The following ARHGEF11 variants were observed in gnomAD, a reference collection of about 807,000 sequenced individuals.
ARHGEF11 encodes the protein Rho guanine nucleotide exchange factor 11.
ARHGEF11 carries 55 observed loss-of-function variants against 193.7 expected under a neutral mutation model. The ratio of observed to expected loss-of-function variants is 0.28; its 90% confidence interval spans 0.23 to 0.36. The LOEUF (loss-of-function observed/expected upper bound fraction) is 0.36. Ranked by LOEUF, ARHGEF11 falls within the 10% of genes least tolerant of loss-of-function variation. ARHGEF11 has a pLI of 1.00. For missense variants in ARHGEF11, 1,723 were observed against 2,005.6 expected (o/e 0.86, Z 2.69); for synonymous variants, 693 against 768.0 (o/e 0.90, Z 1.62).
chr1:156,938,388 T>C, intron 38 of ARHGEF11, 30 bp downstream of exon 38: 1 of 1,602,358 alleles, frequency 6.2e-7, no homozygotes, highest in Non-Finnish European at 8.5e-7. Context: ...AGTCTTGGCC[T>C]GTCTTTAGCT....
intron 1 of ARHGEF11, among the ~76,000 whole-genome samples, chr1:157,031,805 G>A (rs11584902): frequency 1.3e-5 from 2 of 152,092 alleles, no homozygotes; most frequent in South Asian, 2.1e-4. Context: ...CTCCTGCAAG[G>A]GTAGAACAAC....
chr1:156,992,777 T>C (rs1377853014), intron 1 of ARHGEF11, among the ~76,000 whole-genome samples: 1 of 152,174 alleles, frequency 6.6e-6, no homozygotes, highest in East Asian at 1.9e-4. Flanking sequence ...CAGATGGGCA[T>C]GTCTTACCTT....
At position 157,027,557 on chromosome 1, in the gene ARHGEF11, C is replaced by T. The variant is rs1670802128; in HGVS notation, c.32+16742G>A. ...GGAGAGTTAATAAGGTAAGACCTCA[C>T]TAGTAAGTTAGTTTTGAACTGGTAT... On this transcript the variant is annotated intron_variant, in intron 1 of 40. Coordinates refer to ENST00000368194, the MANE Select transcript of ARHGEF11 (RefSeq NM_198236.3). Among the ~76,000 whole-genome samples, 5 of 152,236 alleles carry T rather than the reference C, an allele frequency of 3.3e-5. No individual in the cohort carries two copies. In the South Asian group the frequency reaches 8.3e-4, roughly 25 times the overall value.
chr1:157,025,469 G>A (rs1449398017), intron 1 of ARHGEF11, among the ~76,000 whole-genome samples: 1 of 152,194 alleles, frequency 6.6e-6, no homozygotes, highest in Non-Finnish European at 1.5e-5. Flanking sequence ...AGGAGGATCT[G>A]TGCTGCCAGC....
chr1:157,004,503 T>C (rs1161267863), intron 1 of ARHGEF11, among the ~76,000 whole-genome samples: 1 of 152,170 alleles, frequency 6.6e-6, no homozygotes, highest in African/African-American at 2.4e-5. Flanking sequence ...TCTCCTGGCC[T>C]CTCCCTCCAG....
chr1:156,944,448 CCATTCATTCATTCATTCATT>C lies in ARHGEF11; in HGVS notation c.2992-35_2992-16del. ...AGATCCAGGCTCTGTTAAGGAGACACCATTCATTCATTCATTCATTCATTCATTCATTCAAGTGTTTGAGA... is the reference window on the plus strand; with the variant it reads ...AGATCCAGGCTCTGTTAAGGAGACACCATTCATTCATTCAAGTGTTTGAGA... On this transcript the variant is annotated splice_polypyrimidine_tract_variant and intron_variant, in intron 30 of 40. Coordinates refer to ENST00000368194, the MANE Select transcript of ARHGEF11 (RefSeq NM_198236.3). 1 of 1,504,352 alleles carries C rather than the reference CCATTCATTCATTCATTCATT, an allele frequency of 6.6e-7. No homozygotes were observed. The highest frequency in any genetic ancestry group is 9.2e-7 in the Non-Finnish European group (1 of 1,084,538). 93.2% of individuals were successfully genotyped at this position (1,504,352 alleles called of 1,614,324 possible).
Sources: allele counts gnomAD v4.1 joint callset (sites outside exome capture counted in the v4.1 genomes callset), GRCh38; gene constraint gnomAD v4.1.1; transcripts MANE v1.5; gene names NCBI Gene and HGNC (gene_info 2026-07-23, HGNC 2026-07-21).